The following VPS13D variants were observed in gnomAD, a reference collection of about 807,000 sequenced individuals.
VPS13D encodes vacuolar protein sorting 13 homolog D, also known as intermembrane lipid transfer protein VPS13D.
Under a neutral mutation model 461.9 loss-of-function variants are expected in VPS13D, and 187 were observed. The ratio of observed to expected loss-of-function variants is 0.40; its 90% CI spans 0.36 to 0.46. The LOEUF (loss-of-function observed/expected upper bound fraction) is 0.46, where lower values mean the gene tolerates loss of function less well. Among genes scored for constraint, VPS13D ranks in the 20% least tolerant of loss-of-function variants. The probability of loss-of-function intolerance (pLI) is 0.60; values close to 1 mark genes in which losing one functional copy is unlikely to be tolerated. For missense variants in VPS13D, 4,711 were observed against 5,364.9 expected (o/e 0.88, Z 3.81); for synonymous variants, 1,951 against 1,986.3 (o/e 0.98, Z 0.47).
At chr1:12,371,507 C>T (rs1644116814) in intron 54 of VPS13D, among the ~76,000 whole-genome samples, 1 of 151,744 alleles carries the variant, frequency 6.6e-6, no homozygotes, top group African/African-American at 2.4e-5. Flanking sequence ...TCTCCTGCCT[C>T]AGACTCCTGA....
intron 22 of VPS13D, among the ~76,000 whole-genome samples, chr1:12,289,248 C>G (rs1004079459): frequency 6.6e-5 from 10 of 152,022 alleles, no homozygotes; most frequent in African/African-American, 2.4e-4. Context: ...AATATTTTAA[C>G]TTATTTTTTT....
At chr1:12,462,741 A>T (rs1645428582) in intron 67 of VPS13D, among the ~76,000 whole-genome samples, 1 of 152,158 alleles carries the variant, frequency 6.6e-6, no homozygotes, top group East Asian at 1.9e-4. Flanking sequence ...CTGACTCAAG[A>T]TTTACTTTAC....
chr1:12,507,068 C>A lies in VPS13D; in HGVS notation c.13010C>A (p.Pro4337His). The A allele has an allele frequency of 6.2e-7, 1 of 1,614,218 alleles. No homozygotes were observed. Among genetic ancestry groups the A allele is most frequent in the Non-Finnish European group, 8.5e-7 (1 of 1,180,040 alleles). ...AVSTSSGVSIPGPSHQKPMVH... is the reference protein window; with the variant it reads ...AVSTSSGVSIHGPSHQKPMVH... ...AGCACGAGCAGTGGAGTGTCCATCC[C>A]CGGCCCCTCCCACCAGAAGCCCATG... is the stretch of plus-strand genomic sequence containing the variant. The change falls in exon 69 of 70, where the codon CCC (proline) becomes CAC (histidine). Residue 4337 changes from proline (P) to histidine (H), a missense_variant. Pro to His is a moderately conservative substitution (Grantham distance 77, BLOSUM62 -2). This residue lies in a region of VPS13D where 194 missense variants were observed against 220.9 expected (regional missense o/e 0.88). Transcript: ENST00000620676. This position sits in a 1 kb window ranked among gnomAD's most constrained non-coding sequence, Gnocchi z 5.3.
chr1:12,260,263 G>C (rs1377982890), intron 10 of VPS13D, among the ~76,000 whole-genome samples: 1 of 151,932 alleles, frequency 6.6e-6, no homozygotes, highest in Non-Finnish European at 1.5e-5. Flanking sequence ...CTGACCTCGT[G>C]ATCCGCCCAT....
In VPS13D at chr1:12,505,256, C is replaced by G. The variant is rs1379356394; in HGVS notation, c.12795-1597C>G. On this transcript the variant is annotated intron_variant, in intron 68 of 69. Transcript: ENST00000620676. The surrounding 1 kb of genome is among the most constrained non-coding windows in gnomAD (Gnocchi z 4.2). ...TCTCTGTCTGTCTTTCTGTCTTTCC[C>G]TGTGCCCTCCTTTCTTCCCCGGACC... 3.3e-5 allele frequency among the ~76,000 whole-genome samples: 5 copies of G among 152,214 alleles called. No individual in the cohort carries two copies. Among genetic ancestry groups the G allele is most frequent in the Admixed American group, 3.3e-4 (5 of 15,288 alleles).
At position 12,349,170 on chromosome 1, in the gene VPS13D, T is replaced by C; in HGVS notation, c.9227T>C (p.Val3076Ala). 1 of 1,613,588 alleles carries C rather than the reference T, an allele frequency of 6.2e-7. No individual in the cohort carries two copies. Among genetic ancestry groups the C allele is most frequent in the Non-Finnish European group, 8.5e-7 (1 of 1,180,036 alleles). ...LDSPSAPDKP[V>A]VLPAIMPGDS... is the part of the protein sequence containing the mutation. Reference sequence around the variant, plus strand: ...ACCCTTATTTCTGTGGCAGAGCCAGTGGTGCTTCCTGCTATCATGCCAGGG... The same window carrying C: ...ACCCTTATTTCTGTGGCAGAGCCAGCGGTGCTTCCTGCTATCATGCCAGGG... Residue 3076 changes from valine to alanine, a missense_variant, in exon 46 of 70, where the codon GTG (valine) becomes GCG (alanine). Val to Ala is a moderately conservative substitution (Grantham distance 64). Around this residue, in one of 3 missense-constraint regions of VPS13D, gnomAD observed 4,411 missense variants for 4,937.8 expected, o/e 0.89. Transcript: ENST00000620676.
rs1227970870 is a variant in VPS13D, at chr1:12,276,315, T to C, written c.2727T>C (p.Ser909=). Residue 909 remains serine (S), a synonymous_variant, in exon 19 of 70, where the codon TCT becomes TCC. Coordinates refer to ENST00000620676, the MANE Select transcript of VPS13D (RefSeq NM_015378.4). This position sits in a 1 kb window ranked among gnomAD's most constrained non-coding sequence, Gnocchi z 4.5. The part of the protein sequence containing the change: ...ALLTTPEMKT[S]DTQIKEKIFP... ...TCACCACCCCAGAAATGAAAACTTCTGACACTCAGATTAAAGAAAAGATTT... is the reference window on the plus strand; with the variant it reads ...TCACCACCCCAGAAATGAAAACTTCCGACACTCAGATTAAAGAAAAGATTT... 1 of 1,614,052 alleles carries C rather than the reference T, an allele frequency of 6.2e-7. No individual in the cohort carries two copies. Among genetic ancestry groups the C allele is most frequent in the African/African-American group, 1.3e-5 (1 of 74,928 alleles).
rs115513754 is a variant in VPS13D, at chr1:12,502,970, C to G, written c.12795-3883C>G. Among the ~76,000 whole-genome samples, 254 of 152,302 alleles carry G rather than the reference C, an allele frequency of 1.7e-3. No homozygotes were observed. The highest frequency in any genetic ancestry group is 2.9e-3 in the Non-Finnish European group (199 of 68,026). ...TTCTACACATCAGGATGGGGAAGCT[C>G]TGGGCAAAGTGAGAGGCGGAGACGA... is the stretch of plus-strand genomic sequence containing the variant. On this transcript the variant is annotated intron_variant, in intron 68 of 69. Coordinates refer to ENST00000620676, the MANE Select transcript of VPS13D (RefSeq NM_015378.4). The surrounding 1 kb of genome is among the most constrained non-coding windows in gnomAD (Gnocchi z 4.3).
intron 22 of VPS13D, among the ~76,000 whole-genome samples, chr1:12,289,179 T>G (rs1427447955): frequency 1.3e-5 from 2 of 152,210 alleles, no homozygotes; most frequent in East Asian, 3.8e-4. Flanking sequence ...GTTAAAATTC[T>G]TAGTTGAATA....
chr1:12,378,546 C>T lies in VPS13D; in HGVS notation c.11036C>T (p.Ser3679Phe). Residue 3679 changes from serine (S) to phenylalanine (F), a missense_variant, in exon 56 of 70, where the codon TCT becomes TTT. By Grantham distance (155) the Ser-to-Phe change is radical. Coordinates refer to ENST00000620676, the MANE Select transcript of VPS13D (RefSeq NM_015378.4). The part of the protein sequence containing the change: ...KPSAARSTEG[S>F]AILDIAGLAA... ...TCAGCCGCCCGCTCCACCGAGGGGT[C>T]TGCCATCTTAGATATTGCTGGTCTC... The T allele has an allele frequency of 6.2e-7, 1 of 1,609,808 alleles. No individual in the cohort carries two copies. Among genetic ancestry groups the T allele is most frequent in the Non-Finnish European group, 8.5e-7 (1 of 1,178,120 alleles).
chr1:12,243,483 ATGT>A (rs774504676), intron 3 of VPS13D, among the ~76,000 whole-genome samples: 2 of 152,040 alleles, frequency 1.3e-5, no homozygotes, highest in Middle Eastern at 3.4e-3. Context: ...TGATCATTTG[ATGT>A]TGTCATTAAA....
intron 32 of VPS13D, 58 bp from the exon 33 acceptor site, chr1:12,321,751 A>G: frequency 1.9e-6 from 3 of 1,542,394 alleles, no homozygotes; most frequent in Non-Finnish European, 2.6e-6. Context: ...TTGTGCTGGT[A>G]GTTGGACCCT....
rs371179369 is a variant in VPS13D, at chr1:12,298,830, T to C, written c.6034-372T>C. On this transcript the variant is annotated intron_variant, in intron 24 of 69. Transcript: ENST00000620676. ...TAAGGTGGAAGCTTTCAATTACTGA[T>C]TTTTAAGTCTTTATTGCTTTCTAAA... Among the ~76,000 whole-genome samples, 59 of 152,092 alleles carry C rather than the reference T, an allele frequency of 3.9e-4. 1 individual carries two copies. The highest frequency in any genetic ancestry group is 1.4e-3 in the African/African-American group (59 of 41,392).
At chr1:12,250,085 C>T (rs538970095) in intron 6 of VPS13D, among the ~76,000 whole-genome samples, 2 of 152,304 alleles carry the variant, frequency 1.3e-5, no homozygotes, top group South Asian at 2.1e-4. Context: ...AAACACTTTA[C>T]TTACATTTGC....
intron 47 of VPS13D, among the ~76,000 whole-genome samples, chr1:12,355,552 GTTATTA>G (rs1557729102): frequency 1.3e-5 from 2 of 152,264 alleles, no homozygotes; most frequent in East Asian, 1.9e-4. Context: ...AATATGTACA[GTTATTA>G]TTATGTGTCG....
Position 12,322,077 on chromosome 1 carries a change from G to GT in VPS13D, c.7704+119dup, listed in dbSNP as rs1388317403. 1.8e-5 allele frequency: 25 copies of GT among 1,397,506 alleles called. No individual in the cohort carries two copies. In the South Asian group the frequency reaches 2.7e-4, roughly 15 times the overall value. The allele number at this position is 1,397,506 out of a possible 1,614,324, so 86.6% of individuals were successfully genotyped here. A position where few individuals can be genotyped will look rare whatever the true frequency, so the allele number is the denominator to read the frequency against. ...CTCTTTTTTTGTTTTGTTTTGTTTT[G>GT]TTTTTTGAGATGGAGTCTTGCTCTG... On this transcript the variant is annotated intron_variant, in intron 33 of 69. Transcript: ENST00000620676.
intron 65 of VPS13D, among the ~76,000 whole-genome samples, chr1:12,417,676 C>T (rs183373620): frequency 7.2e-5 from 11 of 152,114 alleles, no homozygotes; most frequent in East Asian, 3.9e-4. Flanking sequence ...TTTGTGGCAC[C>T]GCGTAGAAAT....
At chr1:12,503,805 G>A (rs1226853777) in intron 68 of VPS13D, among the ~76,000 whole-genome samples, 2 of 152,146 alleles carry the variant, frequency 1.3e-5, no homozygotes, top group Admixed American at 6.5e-5. Flanking sequence ...CAGGCCTTGC[G>A]GGAAGCTTGA....
At chr1:12,291,256 G>A (rs1292946581) in intron 23 of VPS13D, 132 bp downstream of exon 23, 5 of 939,724 alleles carry the variant, frequency 5.3e-6, no homozygotes, top group Non-Finnish European at 4.7e-6. Context: ...AGAAGTTATG[G>A]TTATGAGGAG....
Sources: gnomAD v4.1 joint callset for allele counts (sites outside exome capture counted in the v4.1 genomes callset) on GRCh38, gnomAD v4.1.1 for gene constraint, gnomAD v4.1.1 regional missense constraint, Gnocchi (gnomAD v3.1) non-coding constraint, MANE v1.5 for transcripts, NCBI Gene and HGNC (gene_info 2026-07-23, HGNC 2026-07-21) for gene names.